RAP1GDS1: variants seen among roughly 807,000 people sequenced by gnomAD.
RAP1GDS1 encodes RAP1, GTP-GDP dissociation stimulator 1.
In RAP1GDS1, 35 loss-of-function variants were observed where a neutral mutation model predicts 71.1. That is an observed-to-expected ratio of 0.49 (90% CI 0.38 to 0.65). The LOEUF (loss-of-function observed/expected upper bound fraction) is 0.65, where lower values mean the gene tolerates loss of function less well. Ranked by LOEUF, RAP1GDS1 falls within the 30% of genes least tolerant of loss-of-function variation. The probability of loss-of-function intolerance (pLI) is 0.00; values close to 1 mark genes in which losing one functional copy is unlikely to be tolerated. For synonymous variants in RAP1GDS1, 229 were observed against 243.1 expected (o/e 0.94, Z 0.54); for missense variants, 663 against 706.1 (o/e 0.94, Z 0.69).
rs1752079853 is a variant in RAP1GDS1, at chr4:98,443,027, T to C, written c.*910T>C. Reference sequence around the variant, plus strand: ...ATTGAAGAATGGAATTTTTTTTTTTTTTTTTTTTTTTGCTGTTTTTCATCA... The same window carrying C: ...ATTGAAGAATGGAATTTTTTTTTTTCTTTTTTTTTTTGCTGTTTTTCATCA... On this transcript the variant is annotated 3_prime_UTR_variant, in exon 15 of 15. Transcript: ENST00000408927. 2.3e-5 allele frequency: 5 copies of C among 216,684 alleles called. No individual in the cohort carries two copies. In the Admixed American group the frequency reaches 3.0e-4, roughly 13 times the overall value. The allele number at this position is 216,684 out of a possible 1,614,324, so 13.4% of individuals were successfully genotyped here. A position where few individuals can be genotyped will look rare whatever the true frequency, so the allele number is the denominator to read the frequency against.
intron 2 of RAP1GDS1, among the ~76,000 whole-genome samples, chr4:98,305,932 A>G (rs2110306747): frequency 6.6e-6 from 1 of 152,370 alleles, no homozygotes; most frequent in African/African-American, 2.4e-5. Flanking sequence ...TGCCAAATAC[A>G]TACTGAAGAA....
At chr4:98,276,800 C>T (rs1282936842) in intron 1 of RAP1GDS1, among the ~76,000 whole-genome samples, 1 of 152,110 alleles carries the variant, frequency 6.6e-6, no homozygotes, top group Admixed American at 6.6e-5. Flanking sequence ...AATGTGGGCC[C>T]AAGGAAGTCA....
At chr4:98,378,530 A>C (rs1461906080) in intron 4 of RAP1GDS1, among the ~76,000 whole-genome samples, 1 of 152,002 alleles carries the variant, frequency 6.6e-6, no homozygotes. Flanking sequence ...TTCTTTAATA[A>C]GAGCTATTAT....
chr4:98,423,359 G>C (rs1221579689), intron 12 of RAP1GDS1, among the ~76,000 whole-genome samples: 1 of 152,210 alleles, frequency 6.6e-6, no homozygotes, highest in African/African-American at 2.4e-5. Context: ...AGTATTGCTA[G>C]AACACAGAGT....
rs1751238504 is a variant in RAP1GDS1, at chr4:98,437,069, G to T, written c.1696+1G>T. 6.3e-7 allele frequency: 1 copy of T among 1,589,306 alleles called. No homozygotes were observed. Among genetic ancestry groups the T allele is most frequent in the Non-Finnish European group, 8.5e-7 (1 of 1,172,266 alleles). Reference sequence around the variant, plus strand: ...CTGATATGTGCTCTTATGGGATCTGGTAAGTATTCTTCTATCATTTGATGT... The same window carrying T: ...CTGATATGTGCTCTTATGGGATCTGTTAAGTATTCTTCTATCATTTGATGT... On this transcript the variant is annotated splice_donor_variant, in intron 14 of 14. Coordinates refer to ENST00000408927, the MANE Select transcript of RAP1GDS1 (RefSeq NM_001100427.2). LOFTEE classifies it high-confidence loss of function.
chr4:98,399,480 G>A (rs972454606), intron 6 of RAP1GDS1, among the ~76,000 whole-genome samples: 1 of 152,080 alleles, frequency 6.6e-6, no homozygotes, highest in African/African-American at 2.4e-5. Flanking sequence ...TTTTTGTAGA[G>A]ACAGGGTTTT....
rs199915283 is a variant in RAP1GDS1, at chr4:98,408,102, A to ATTT, written c.763+3501_763+3502insTTT. On this transcript the variant is annotated intron_variant, in intron 7 of 14. Coordinates refer to ENST00000408927, the MANE Select transcript of RAP1GDS1 (RefSeq NM_001100427.2). ...ATGCCCATATATTTTATATATATAT[A>ATTT]TATTTTTTTTTTTCCCTCCCCCGCA... 1.0e-3 allele frequency among the ~76,000 whole-genome samples: 147 copies of ATTT among 141,166 alleles called. No individual in the cohort carries two copies. The South Asian group carries it at 0.016, about 16-fold the overall frequency. 92.6% of individuals were successfully genotyped at this position (141,166 alleles called of 152,430 possible).
chr4:98,350,698 T>C (rs1289552071), intron 3 of RAP1GDS1, among the ~76,000 whole-genome samples: 1 of 152,102 alleles, frequency 6.6e-6, no homozygotes, highest in African/African-American at 2.4e-5. Flanking sequence ...ATTAGCTGGC[T>C]GTGGTGGCAC....
At chr4:98,429,169 G>A (rs1423637907) in intron 12 of RAP1GDS1, among the ~76,000 whole-genome samples, 2 of 151,640 alleles carry the variant, frequency 1.3e-5, no homozygotes, top group African/African-American at 2.4e-5. Flanking sequence ...TAGGCAGGAG[G>A]ATGGCGTGAA....
chr4:98,264,999 A>G (rs999767648), intron 1 of RAP1GDS1, among the ~76,000 whole-genome samples: 4 of 152,258 alleles, frequency 2.6e-5, no homozygotes, highest in Non-Finnish European at 5.9e-5. Context: ...GCCAAGCTGA[A>G]GAATTTTAAT....
intron 1 of RAP1GDS1, among the ~76,000 whole-genome samples, chr4:98,285,770 A>G (rs1248337480): frequency 2.7e-5 from 4 of 148,378 alleles, no homozygotes; most frequent in South Asian, 2.1e-4. Context: ...CTAAAATAAT[A>G]TAATAATTAT....
chr4:98,415,624 G>T (rs1747835946), intron 7 of RAP1GDS1, among the ~76,000 whole-genome samples: 1 of 152,146 alleles, frequency 6.6e-6, no homozygotes. Context: ...TATAATGAAA[G>T]AATACTTAAA....
intron 12 of RAP1GDS1, among the ~76,000 whole-genome samples, chr4:98,432,740 A>C (rs1232189955): frequency 6.6e-6 from 1 of 152,290 alleles, no homozygotes; most frequent in South Asian, 2.1e-4. Flanking sequence ...TAAAATGTCC[A>C]GACCTTCAAA....
At chr4:98,339,850 A>G (rs1735234903) in intron 2 of RAP1GDS1, among the ~76,000 whole-genome samples, 2 of 152,240 alleles carry the variant, frequency 1.3e-5, no homozygotes, top group African/African-American at 4.8e-5. Context: ...GGGAATGCTT[A>G]TACAATGCTG....
At chr4:98,371,530 G>T (rs188281466) in intron 4 of RAP1GDS1, among the ~76,000 whole-genome samples, 7 of 152,174 alleles carry the variant, frequency 4.6e-5, no homozygotes, top group African/African-American at 1.4e-4. Context: ...AGGCTGGAGT[G>T]CAGTGGTGCG....
At chr4:98,353,218 C>A (rs1737478910) in intron 4 of RAP1GDS1, among the ~76,000 whole-genome samples, 1 of 152,140 alleles carries the variant, frequency 6.6e-6, no homozygotes, top group African/African-American at 2.4e-5. Context: ...TACATATAAA[C>A]AAAATACAGA....
At chr4:98,414,684 G>T (rs965088200) in intron 7 of RAP1GDS1, among the ~76,000 whole-genome samples, 54 of 151,186 alleles carry the variant, frequency 3.6e-4, no homozygotes, top group Admixed American at 9.9e-4. Context: ...GCTTAGGATT[G>T]ACTTGGCGAT....
rs1436807576 is a variant in RAP1GDS1, at chr4:98,416,838, T to C, written c.857T>C (p.Ile286Thr). 1.2e-6 allele frequency: 2 copies of C among 1,614,084 alleles called. No individual in the cohort carries two copies. The highest frequency in any genetic ancestry group is 8.5e-7 in the Non-Finnish European group (1 of 1,179,970). Residue 286 changes from isoleucine (I) to threonine (T), a missense_variant, in exon 8 of 15, where the codon ATT (isoleucine) becomes ACT (threonine). Physicochemically the swap from Ile to Thr is moderately conservative, Grantham distance 89. Coordinates refer to ENST00000408927, the MANE Select transcript of RAP1GDS1 (RefSeq NM_001100427.2). ...GTGGATAGTGACAAAGAAGATGATA[T>C]TACTGAGCTCAAAACTGGTTCAGAT... ...QKVDSDKEDD[I>T]TELKTGSDLM...
At chr4:98,264,755 A>C (rs1722502898) in intron 1 of RAP1GDS1, among the ~76,000 whole-genome samples, 1 of 152,208 alleles carries the variant, frequency 6.6e-6, no homozygotes, top group African/African-American at 2.4e-5. Flanking sequence ...ATTTGAACCA[A>C]AGGTGGGTTA....
Sources: allele counts gnomAD v4.1 joint callset (sites outside exome capture counted in the v4.1 genomes callset), GRCh38; gene constraint gnomAD v4.1.1; transcripts MANE v1.5; gene names NCBI Gene and HGNC (gene_info 2026-07-23, HGNC 2026-07-21).